Variants in FBXO42 observed in about 807,000 individuals in gnomAD.
FBXO42 encodes the protein F-box only protein 42.
FBXO42 carries 12 observed loss-of-function variants against 71.7 expected under a neutral mutation model. The ratio of observed to expected loss-of-function variants is 0.17; its 90% CI spans 0.11 to 0.27. The LOEUF (loss-of-function observed/expected upper bound fraction) is 0.27, where lower values mean the gene tolerates loss of function less well. Among genes scored for constraint, FBXO42 ranks in the 10% least tolerant of loss-of-function variants. The pLI is 1.00. For synonymous variants in FBXO42, 325 were observed against 327.5 expected (o/e 0.99, Z 0.08); for missense variants, 707 against 911.9 (o/e 0.78, Z 2.89).
chr1:16,277,753 C>A (rs1002375709), intron 4 of FBXO42, among the ~76,000 whole-genome samples: 2 of 149,986 alleles, frequency 1.3e-5, no homozygotes, highest in African/African-American at 4.9e-5. Context: ...AAAAATTCCA[C>A]ATCCAGGCTG....
At chr1:16,296,426 C>T (rs570285959) in intron 3 of FBXO42, among the ~76,000 whole-genome samples, 4 of 149,274 alleles carry the variant, frequency 2.7e-5, no homozygotes, top group Middle Eastern at 3.4e-3. Context: ...CTGAGGCAGG[C>T]GGATCATGAG....
chr1:16,306,033 C>CT (rs1476539907), intron 2 of FBXO42, 114 bp from the exon 3 acceptor site: 4 of 787,342 alleles, frequency 5.1e-6, no homozygotes, highest in African/African-American at 3.6e-5. Context: ...TTTTTTTTTT[C>CT]TTTTTTTGAG....
intron 3 of FBXO42, among the ~76,000 whole-genome samples, chr1:16,302,085 T>A (rs1404100254): frequency 6.6e-6 from 1 of 152,022 alleles, no homozygotes; most frequent in Non-Finnish European, 1.5e-5. Flanking sequence ...AAAAGACAGA[T>A]GGTAATAAAT....
intron 1 of FBXO42, among the ~76,000 whole-genome samples, chr1:16,317,175 TG>T (rs1243987747): frequency 6.6e-6 from 1 of 152,096 alleles, no homozygotes; most frequent in Non-Finnish European, 1.5e-5. Context: ...CCCAGCACTT[TG>T]GGAGGCTAAG....
chr1:16,295,716 C>T (rs2100532946), intron 3 of FBXO42, among the ~76,000 whole-genome samples: 1 of 152,176 alleles, frequency 6.6e-6, no homozygotes, highest in African/African-American at 2.4e-5. Flanking sequence ...TTATATGACA[C>T]ACAATGAAAT....
At chr1:16,277,082 G>A (rs913826803) in intron 4 of FBXO42, among the ~76,000 whole-genome samples, 15 of 152,194 alleles carry the variant, frequency 9.9e-5, no homozygotes, top group African/African-American at 3.6e-4. Context: ...AAAGATCTGT[G>A]AGTAGAACTG....
At chr1:16,309,829 AAGTCAGG>A (rs1328874895) in intron 2 of FBXO42, among the ~76,000 whole-genome samples, 2 of 151,536 alleles carry the variant, frequency 1.3e-5, no homozygotes, top group East Asian at 3.9e-4. Context: ...TGATCACTTG[AAGTCAGG>A]AGTTTGAGAC....
chr1:16,297,197 G>A (rs1409082002), intron 3 of FBXO42, among the ~76,000 whole-genome samples: 1 of 152,044 alleles, frequency 6.6e-6, no homozygotes. Context: ...ACCCGCCTCA[G>A]CCTCCCAAAG....
At chr1:16,335,322 G>C (rs888206199) in intron 1 of FBXO42, among the ~76,000 whole-genome samples, 5 of 151,950 alleles carry the variant, frequency 3.3e-5, no homozygotes, top group Admixed American at 6.6e-5. Context: ...TTATTTTGTA[G>C]AGCCAGGATT....
intron 4 of FBXO42, among the ~76,000 whole-genome samples, chr1:16,264,749 G>A (rs2081753013): frequency 6.6e-6 from 1 of 152,176 alleles, no homozygotes; most frequent in Non-Finnish European, 1.5e-5. Context: ...AGGCAGCTGT[G>A]GCAAACTGAA....
chr1:16,322,971 GTT>G (rs1215550422), intron 1 of FBXO42, among the ~76,000 whole-genome samples: 1 of 152,170 alleles, frequency 6.6e-6, no homozygotes, highest in Non-Finnish European at 1.5e-5. Context: ...TATTTGATTA[GTT>G]TTTTGCCTTT....
Position 16,251,293 on chromosome 1 carries a change from T to A in FBXO42, c.1531A>T (p.Ser511Cys). 1 of 1,614,226 alleles carries A rather than the reference T, an allele frequency of 6.2e-7. No homozygotes were observed. Among genetic ancestry groups the A allele is most frequent in the Non-Finnish European group, 8.5e-7 (1 of 1,180,030 alleles). ...DLNWDLKPAS[S>C]SNPMDGMDNR... is the part of the protein sequence containing the mutation. ...TCCATGCCATCCATGGGATTACTAC[T>A]GGAAGCGGGTTTCAGATCCCAATTC... The change falls in exon 10 of 10, where the codon AGT (serine) becomes TGT (cysteine). Residue 511 changes from serine (S) to cysteine (C), a missense_variant. By Grantham distance (112) the Ser-to-Cys change is moderately radical. Coordinates refer to ENST00000375592, the MANE Select transcript of FBXO42 (RefSeq NM_018994.3). This position sits in a 1 kb window ranked among gnomAD's most constrained non-coding sequence, Gnocchi z 4.5.
Position 16,255,663 on chromosome 1 carries a change from A to G in FBXO42, c.767+48T>C, listed in dbSNP as rs2081635161. ...ATTCACTTTTAAACCTGTTATTCCC[A>G]GGAGTATTTACCTTCAGGCTCATAT... On this transcript the variant is annotated intron_variant, in intron 6 of 9. Transcript: ENST00000375592. 11 of 1,486,624 alleles carry G rather than the reference A, an allele frequency of 7.4e-6. No homozygotes were observed. The East Asian group carries it at 2.5e-4, about 34-fold the overall frequency. 92.1% of individuals were successfully genotyped at this position (1,486,624 alleles called of 1,614,324 possible). A position where few individuals can be genotyped will look rare whatever the true frequency, so the allele number is the denominator to read the frequency against.
chr1:16,290,532 A>G (rs2082066388), intron 4 of FBXO42, among the ~76,000 whole-genome samples: 1 of 152,008 alleles, frequency 6.6e-6, no homozygotes, highest in African/African-American at 2.4e-5. Context: ...TCTCTACTAA[A>G]AATACAAAAA....
chr1:16,252,532 C>G lies in FBXO42; in HGVS notation c.922-128G>C. 1 of 667,458 alleles carries G rather than the reference C, an allele frequency of 1.5e-6. No homozygotes were observed. The highest frequency in any genetic ancestry group is 2.6e-6 in the Non-Finnish European group (1 of 383,388). 41.3% of individuals were successfully genotyped at this position (667,458 alleles called of 1,614,324 possible). On this transcript the variant is annotated intron_variant, in intron 8 of 9. Coordinates refer to ENST00000375592, the MANE Select transcript of FBXO42 (RefSeq NM_018994.3). The surrounding 1 kb of genome is among the most constrained non-coding windows in gnomAD (Gnocchi z 4.4). ...GGATGTGGACTCTTCAGAAGGATAG[C>G]AAAATCCTCAGTTAATTATTCAGTT...
intron 3 of FBXO42, among the ~76,000 whole-genome samples, chr1:16,301,971 T>C (rs1454110870): frequency 6.6e-6 from 1 of 152,182 alleles, no homozygotes; most frequent in East Asian, 1.9e-4. Flanking sequence ...TATCCATTTT[T>C]CAGACAAAGA....
chr1:16,298,757 G>A (rs2082158098), intron 3 of FBXO42, among the ~76,000 whole-genome samples: 2 of 152,002 alleles, frequency 1.3e-5, no homozygotes, highest in South Asian at 4.1e-4. Context: ...TGATCCGCTC[G>A]CCTCGGCCTC....
chr1:16,349,301 G>A (rs1373376210), intron 1 of FBXO42, among the ~76,000 whole-genome samples: 1 of 152,102 alleles, frequency 6.6e-6, no homozygotes, highest in Non-Finnish European at 1.5e-5. Flanking sequence ...ACACTACATA[G>A]CACTTAACGG....
intron 4 of FBXO42, among the ~76,000 whole-genome samples, chr1:16,270,126 G>C (rs2081824066): frequency 6.6e-6 from 1 of 152,106 alleles, no homozygotes; most frequent in African/African-American, 2.4e-5. Flanking sequence ...AAGGTGCTGG[G>C]ATTACAGGTG....
Sources: gnomAD v4.1 joint callset for allele counts (sites outside exome capture counted in the v4.1 genomes callset) on GRCh38, gnomAD v4.1.1 for gene constraint, Gnocchi (gnomAD v3.1) non-coding constraint, MANE v1.5 for transcripts, NCBI Gene and HGNC (gene_info 2026-07-23, HGNC 2026-07-21) for gene names.